The following DLGAP4 variants were observed in gnomAD, a reference collection of about 807,000 sequenced individuals.
DLGAP4 encodes the protein disks large-associated protein 4.
A neutral mutation model predicts 86.9 loss-of-function variants in DLGAP4; 18 were observed. That is an observed-to-expected ratio of 0.21 (90% CI 0.14 to 0.31). DLGAP4 has a LOEUF of 0.31. Ranked by LOEUF, DLGAP4 falls within the 10% of genes least tolerant of loss-of-function variation. The pLI is 1.00. For missense variants in DLGAP4, 1,085 were observed against 1,362.6 expected, an observed-to-expected ratio of 0.80 and a Z score of 3.21; for synonymous variants, 548 against 574.3, an observed-to-expected ratio of 0.95 and a Z score of 0.65.
rs58969635 is a variant in DLGAP4, at chr20:36,330,483, T to C, written c.-304+23971T>C. ...TCAGTGCCTTCAGTTCTCTGTGCCT[T>C]AGTTTCCTCATCTGTAAAATGTGCC... On this transcript the variant is annotated intron_variant, in intron 1 of 12. Coordinates refer to ENST00000339266, the MANE Select transcript of DLGAP4 (RefSeq NM_001365621.2). Among the ~76,000 whole-genome samples, 84 of 152,200 alleles carry C rather than the reference T, an allele frequency of 5.5e-4. 1 individual carries two copies. The East Asian group carries it at 0.015, about 27-fold the overall frequency.
chr20:36,320,105 CGCATT>C (rs2065151854), intron 1 of DLGAP4, among the ~76,000 whole-genome samples: 451 of 146,584 alleles, frequency 3.1e-3, no homozygotes, highest in African/African-American at 0.011. Context: ...CCCTCTGTGT[CGCATT>C]CCCCTAGGCC....
intron 1 of DLGAP4, among the ~76,000 whole-genome samples, chr20:36,315,981 C>A (rs1028285251): frequency 6.6e-6 from 1 of 152,186 alleles, no homozygotes; most frequent in Non-Finnish European, 1.5e-5. Flanking sequence ...CTTTCAGGAA[C>A]CATTTGCAAG....
chr20:36,362,062 C>T (rs1229483898), intron 1 of DLGAP4, among the ~76,000 whole-genome samples: 9 of 150,688 alleles, frequency 6.0e-5, no homozygotes, highest in South Asian at 2.1e-4. Flanking sequence ...GAGACTGAGG[C>T]GGGCAGATCA....
At position 36,319,141 on chromosome 20, in the gene DLGAP4, CAAAAAAAGAAAAAA is replaced by C. The variant is rs201134461; in HGVS notation, c.-304+12643_-304+12656del. On this transcript the variant is annotated intron_variant, in intron 1 of 12. Coordinates refer to ENST00000339266, the MANE Select transcript of DLGAP4 (RefSeq NM_001365621.2). ...CTGGCAACAGAGCGAGACTCCATCT[CAAAAAAAGAAAAAA>C]AAAAAAAGAAAAACTGATTGGAAAG... Among the ~76,000 whole-genome samples the C allele has an allele frequency of 8.6e-4, 121 of 140,824 alleles. 1 individual carries two copies. In the East Asian group the frequency reaches 0.022, roughly 26 times the overall value. 92.4% of individuals were successfully genotyped at this position (140,824 alleles called of 152,430 possible).
At chr20:36,513,989 G>A (rs545563239) in intron 10 of DLGAP4, among the ~76,000 whole-genome samples, 1 of 152,268 alleles carries the variant, frequency 6.6e-6, no homozygotes, top group African/African-American at 2.4e-5. Context: ...TTCTATCTGG[G>A]AGTCACCAGA....
At chr20:36,461,490 C>G (rs966562343) in intron 7 of DLGAP4, 2 of 982,064 alleles carry the variant, frequency 2.0e-6, no homozygotes, top group Non-Finnish European at 1.2e-6. Flanking sequence ...AGCCTCGGGC[C>G]GGGCTGCGTG....
At chr20:36,513,541 C>T (rs13042693) in intron 10 of DLGAP4, among the ~76,000 whole-genome samples, 4,638 of 122,282 alleles carry the variant, frequency 0.038, 125 homozygotes, top group Non-Finnish European at 0.053. Context: ...GGCGACAGAG[C>T]GAGACTCCGT....
In DLGAP4 at chr20:36,350,080, G is replaced by A. The variant is rs1404449229; in HGVS notation, c.-303-16965G>A. Among the ~76,000 whole-genome samples the A allele has an allele frequency of 6.6e-6, 1 of 152,174 alleles. No homozygotes were observed. The highest frequency in any genetic ancestry group is 2.4e-5 in the African/African-American group (1 of 41,444). The stretch of plus-strand genomic sequence containing the variant: ...CAGTTCCCACATTTTTAGCCTGTGG[G>A]TCTCAAGCGGCTTCTGGTGTCCCTC... On this transcript the variant is annotated intron_variant, in intron 1 of 12. Transcript: ENST00000339266. This position sits in a 1 kb window ranked among gnomAD's most constrained non-coding sequence, Gnocchi z 4.4.
At chr20:36,369,564 G>A (rs540741240) in intron 2 of DLGAP4, among the ~76,000 whole-genome samples, 48 of 152,238 alleles carry the variant, frequency 3.2e-4, no homozygotes, top group African/African-American at 1.0e-3. Context: ...CTGGCCAATG[G>A]AGCCAGACTC....
chr20:36,445,146 C>T (rs2033556366), intron 6 of DLGAP4, among the ~76,000 whole-genome samples: 1 of 151,984 alleles, frequency 6.6e-6, no homozygotes, highest in African/African-American at 2.4e-5. Flanking sequence ...CACTATGTTG[C>T]CCAGGCTGAA....
At chr20:36,396,380 C>G (rs1382501793) in intron 2 of DLGAP4, among the ~76,000 whole-genome samples, 47 of 44,190 alleles carry the variant, frequency 1.1e-3, no homozygotes, top group East Asian at 1.6e-3. Flanking sequence ...ACACACCCCA[C>G]ATACACACAT....
intron 7 of DLGAP4, among the ~76,000 whole-genome samples, chr20:36,454,468 T>C (rs1413655021): frequency 3.3e-5 from 5 of 152,046 alleles, no homozygotes; most frequent in Non-Finnish European, 7.4e-5. Context: ...ATAAAACTTG[T>C]ACAACCATAT....
rs116683759 is a variant in DLGAP4 at position 36,401,553 on chromosome 20, C to T, written c.-72-30093C>T. On this transcript the variant is annotated intron_variant, in intron 2 of 12. Transcript: ENST00000339266. The stretch of plus-strand genomic sequence containing the variant: ...CTGCTTCTCCCCCAGTGCCCTAGTG[C>T]TGAGCAAGGAAGTTCATGTTCACTC... Among the ~76,000 whole-genome samples the T allele has an allele frequency of 6.4e-3, 968 of 152,336 alleles. 11 individuals are homozygous for T. The highest frequency in any genetic ancestry group is 0.022 in the African/African-American group (915 of 41,568).
At chr20:36,347,560 C>G (rs1600420053) in intron 1 of DLGAP4, among the ~76,000 whole-genome samples, 1 of 151,830 alleles carries the variant, frequency 6.6e-6, no homozygotes. Flanking sequence ...TGAATTTTGG[C>G]ACTCTCATGG....
chr20:36,525,069 T>C lies in DLGAP4; in HGVS notation c.2604+728T>C, dbSNP rs553714400. Among the ~76,000 whole-genome samples, 19 of 149,396 alleles carry C rather than the reference T, an allele frequency of 1.3e-4. No individual in the cohort carries two copies. In the South Asian group the frequency reaches 4.0e-3, roughly 32 times the overall value. On this transcript the variant is annotated intron_variant, in intron 11 of 12. Coordinates refer to ENST00000339266, the MANE Select transcript of DLGAP4 (RefSeq NM_001365621.2). ...CCTTCTGTACTAAAAAGACAAAAAA[T>C]TAGCCAGGCGTAGTGGCGGGTGCCT... is the stretch of plus-strand genomic sequence containing the variant.
chr20:36,508,419 G>GTTTTTTTTTT (rs1569523131), intron 10 of DLGAP4: 16 of 134,600 alleles, frequency 1.2e-4, no homozygotes, highest in African/African-American at 4.2e-4. Flanking sequence ...ATGTTTCAGG[G>GTTTTTTTTTT]TTCTTTTTTT....
chr20:36,469,290 A>G, intron 7 of DLGAP4, among the ~76,000 whole-genome samples: 1 of 152,010 alleles, frequency 6.6e-6, no homozygotes, highest in East Asian at 1.9e-4. Flanking sequence ...AGATCTAGCC[A>G]GGATCCACCC....
At chr20:36,508,785 G>A (rs956068584) in intron 10 of DLGAP4, 1 of 152,210 alleles carries the variant, frequency 6.6e-6, no homozygotes, top group Admixed American at 6.5e-5. Context: ...CTGCCATGAG[G>A]TGGGAGAACT....
chr20:36,380,593 A>AAGAGAGAG (rs57814145), intron 2 of DLGAP4, among the ~76,000 whole-genome samples: 7 of 97,212 alleles, frequency 7.2e-5, no homozygotes, highest in Middle Eastern at 5.2e-3. Flanking sequence ...GTCTGCATTA[A>AAGAGAGAG]AGAGAGAGAG....
Sources: allele counts gnomAD v4.1 joint callset (sites outside exome capture counted in the v4.1 genomes callset), GRCh38; gene constraint gnomAD v4.1.1; non-coding constraint Gnocchi (gnomAD v3.1); transcripts MANE v1.5; gene names NCBI Gene and HGNC (gene_info 2026-07-23, HGNC 2026-07-21).